Variants in LMLN observed in about 807,000 individuals in gnomAD.
LMLN encodes leishmanolysin like peptidase.
A neutral mutation model predicts 92.3 loss-of-function variants in LMLN; 70 were observed. That is an observed-to-expected ratio of 0.76 (90% CI 0.63 to 0.92). The LOEUF (loss-of-function observed/expected upper bound fraction) is 0.92. LMLN is among the 40% of genes least tolerant of loss of function. The probability of loss-of-function intolerance (pLI) is 0.00; values close to 1 mark genes in which losing one functional copy is unlikely to be tolerated. For synonymous variants in LMLN, 308 were observed against 296.2 expected (o/e 1.04, Z -0.41); for missense variants, 691 against 814.6 (o/e 0.85, Z 1.85).
chr3:197,980,575 T>C (rs2109865854), intron 6 of LMLN, 71 bp downstream of exon 6: 2 of 1,428,678 alleles, frequency 1.4e-6, no homozygotes, highest in East Asian at 4.6e-5. Flanking sequence ...GTATTTTTAG[T>C]GTTAAGATTA....
chr3:197,986,211 T>G (rs1181985133), intron 8 of LMLN, among the ~76,000 whole-genome samples: 1 of 152,142 alleles, frequency 6.6e-6, no homozygotes, highest in Non-Finnish European at 1.5e-5. Context: ...CCTGTAATCC[T>G]GCACTTTGGG....
chr3:197,969,761 C>G (rs1422696223), intron 1 of LMLN, among the ~76,000 whole-genome samples: 1 of 152,080 alleles, frequency 6.6e-6, no homozygotes, highest in Non-Finnish European at 1.5e-5. Context: ...AAATATGGGA[C>G]ATTTTCAACA....
chr3:198,012,763 T>A (rs13064245), intron 11 of LMLN, among the ~76,000 whole-genome samples: 7 of 97,932 alleles, frequency 7.1e-5, no homozygotes, highest in South Asian at 3.6e-4. Context: ...TCTCTGTACC[T>A]TTCAGAGCCT....
chr3:197,999,252 TTGG>T lies in LMLN; in HGVS notation c.1156-11_1156-9del. ...GAGAATCTAGTCTAATTAAACCCTG[TTGG>T]TGATTTTCAGAATGAAGCGATGACT... On this transcript the variant is annotated splice_polypyrimidine_tract_variant and intron_variant, in intron 10 of 15. Transcript: ENST00000330198. 6.3e-7 allele frequency: 1 copy of T among 1,597,712 alleles called. No individual in the cohort carries two copies. The highest frequency in any genetic ancestry group is 8.6e-7 in the Non-Finnish European group (1 of 1,165,100).
At chr3:198,037,971 A>G (rs533745468) in intron 15 of LMLN, among the ~76,000 whole-genome samples, 1 of 151,634 alleles carries the variant, frequency 6.6e-6, no homozygotes, top group African/African-American at 2.4e-5. Flanking sequence ...TCTCGCTTGC[A>G]TCCTCACAGT....
At chr3:197,963,614 T>C (rs1720969013) in intron 1 of LMLN, among the ~76,000 whole-genome samples, 1 of 152,246 alleles carries the variant, frequency 6.6e-6, no homozygotes, top group Non-Finnish European at 1.5e-5. Context: ...ACACTGCTAG[T>C]AGGTAGAAAT....
intron 8 of LMLN, among the ~76,000 whole-genome samples, chr3:197,986,835 A>C (rs1721720502): frequency 6.8e-6 from 1 of 146,542 alleles, no homozygotes; most frequent in Non-Finnish European, 1.5e-5. Flanking sequence ...ATGTTTGAAA[A>C]TTTTTTTTCT....
At chr3:197,975,489 GCA>G (rs1012161895) in intron 3 of LMLN, among the ~76,000 whole-genome samples, 7 of 148,082 alleles carry the variant, frequency 4.7e-5, no homozygotes, top group Non-Finnish European at 8.8e-5. Context: ...ATGCACGCAT[GCA>G]CACACACGCG....
chr3:198,010,728 G>A (rs1205482909), intron 11 of LMLN, among the ~76,000 whole-genome samples: 3 of 152,182 alleles, frequency 2.0e-5, no homozygotes, highest in Non-Finnish European at 4.4e-5. Flanking sequence ...TGGGATTATA[G>A]TCGTGAGCCA....
rs889404528 is a variant in LMLN at position 197,960,369 on chromosome 3, A to G, written c.148A>G (p.Ser50Gly). The G allele has an allele frequency of 1.9e-6, 3 of 1,613,808 alleles. No homozygotes were observed. In the African/African-American group the frequency reaches 4.0e-5, roughly 22 times the overall value. The change falls in exon 1 of 16, where the codon AGC (serine) becomes GGC (glycine). Residue 50 changes from serine to glycine, a missense_variant. Physicochemically the swap from Ser to Gly is moderately conservative, Grantham distance 56. Coordinates refer to ENST00000330198, the Ensembl canonical transcript of LMLN. Reference sequence around the variant, plus strand: ...ACTCCTGTTGGGCGGGCTCCGGGCCAGCGCCACATCTACTCCCGTCTCCTT... The same window carrying G: ...ACTCCTGTTGGGCGGGCTCCGGGCCGGCGCCACATCTACTCCCGTCTCCTT...
At chr3:198,029,548 C>T (rs1456662372) in intron 14 of LMLN, among the ~76,000 whole-genome samples, 2 of 152,080 alleles carry the variant, frequency 1.3e-5, no homozygotes, top group African/African-American at 2.4e-5. Context: ...GGCCGCCTGC[C>T]TGTGATCCCA....
rs749017659 is a variant in LMLN, at chr3:197,985,899, G to T, written c.929+9G>T. On this transcript the variant is annotated intron_variant, in intron 8 of 15. Coordinates refer to ENST00000330198, the Ensembl canonical transcript of LMLN. Reference sequence around the variant, plus strand: ...CCACCTTTTAATTATAGGTATTTTTGTTGTTGTTGCTCTTGTTCTCCTCTT... The same window carrying T: ...CCACCTTTTAATTATAGGTATTTTTTTTGTTGTTGCTCTTGTTCTCCTCTT... 1 of 1,548,722 alleles carries T rather than the reference G, an allele frequency of 6.5e-7. No individual in the cohort carries two copies. The highest frequency in any genetic ancestry group is 8.9e-7 in the Non-Finnish European group (1 of 1,121,620).
At chr3:197,996,249 T>C in exon 10 of LMLN, 1 of 1,603,914 alleles carries the variant, frequency 6.2e-7, no homozygotes, top group Non-Finnish European at 8.5e-7. Flanking sequence ...GTGTGGGCAC[T>C]GAGCTCAACC....
intron 11 of LMLN, among the ~76,000 whole-genome samples, chr3:198,015,124 T>G (rs1479179627): frequency 2.0e-5 from 3 of 146,754 alleles, no homozygotes; most frequent in African/African-American, 7.7e-5. Context: ...GTCTGACTTC[T>G]CTGTACCTTT....
chr3:198,016,346 G>A lies in LMLN; in HGVS notation c.1233-2907G>A, dbSNP rs141788954. On this transcript the variant is annotated intron_variant, in intron 11 of 15. Coordinates refer to ENST00000330198, the Ensembl canonical transcript of LMLN. ...AATGTGAAGATAATAGGCAGTAGCC[G>A]GAAGCACCGGCAACCACTCTGGGTG... Among the ~76,000 whole-genome samples the A allele has an allele frequency of 4.1e-4, 62 of 152,280 alleles. No homozygotes were observed. The East Asian group carries it at 0.011, about 28-fold the overall frequency.
intron 11 of LMLN, among the ~76,000 whole-genome samples, chr3:198,005,493 A>G (rs1187314770): frequency 6.6e-6 from 1 of 152,174 alleles, no homozygotes; most frequent in Non-Finnish European, 1.5e-5. Flanking sequence ...TGGGTTATTT[A>G]TAATACATAA....
exon 16 of LMLN, chr3:198,041,657 A>C (rs777010923): frequency 2.0e-5 from 3 of 152,252 alleles, no homozygotes; most frequent in African/African-American, 4.8e-5. Context: ...TATGTTGTAC[A>C]TACTTTAAAT....
chr3:197,990,190 G>GT (rs1721826594), intron 8 of LMLN, among the ~76,000 whole-genome samples: 1 of 152,070 alleles, frequency 6.6e-6, no homozygotes, highest in Non-Finnish European at 1.5e-5. Flanking sequence ...AGCCGCCTGT[G>GT]TAGCTGGGAC....
chr3:197,971,992 G>A (rs1312405144), intron 1 of LMLN, among the ~76,000 whole-genome samples: 4 of 126,596 alleles, frequency 3.2e-5, no homozygotes, highest in African/African-American at 6.1e-5. Flanking sequence ...TCTCTTCTTC[G>A]GATTGGATAA....
Sources: gnomAD v4.1 joint callset for allele counts (sites outside exome capture counted in the v4.1 genomes callset) on GRCh38, gnomAD v4.1.1 for gene constraint, MANE v1.5 for transcripts, NCBI Gene and HGNC (gene_info 2026-07-23, HGNC 2026-07-21) for gene names.